The following ELMO1 variants were observed in gnomAD, a reference collection of about 807,000 sequenced individuals.
ELMO1 encodes engulfment and cell motility protein 1.
ELMO1 carries 26 observed loss-of-function variants against 98.9 expected under a neutral mutation model. The observed-to-expected ratio is 0.26, with a 90% confidence interval of 0.19 to 0.36. ELMO1 has a LOEUF of 0.36. Among genes scored for constraint, ELMO1 ranks in the 10% least tolerant of loss-of-function variants. ELMO1 has a pLI of 1.00. For missense variants in ELMO1, 627 were observed against 935.2 expected (o/e 0.67, Z 4.30); for synonymous variants, 346 against 346.0 (o/e 1.00, Z 0.00).
At chr7:37,063,044 T>TCCTCCCGGTA (rs1403141503) in intron 15 of ELMO1, among the ~76,000 whole-genome samples, 2 of 152,114 alleles carry the variant, frequency 1.3e-5, no homozygotes, top group Non-Finnish European at 2.9e-5. Flanking sequence ...ATTTATTTAA[T>TCCTCCCGGTA]CCTCCCGGTA....
chr7:36,969,570 G>A (rs1009009165), intron 16 of ELMO1, among the ~76,000 whole-genome samples: 5 of 152,144 alleles, frequency 3.3e-5, no homozygotes, highest in Non-Finnish European at 5.9e-5. Flanking sequence ...TTAAGTTGGT[G>A]CACATCAGAA....
At chr7:36,992,304 C>A (rs1184673266) in intron 16 of ELMO1, among the ~76,000 whole-genome samples, 1 of 152,198 alleles carries the variant, frequency 6.6e-6, no homozygotes, top group Non-Finnish European at 1.5e-5. Context: ...TGGGGCATCA[C>A]AGACCTAATA....
chr7:37,090,512 T>C (rs1784026197), intron 15 of ELMO1, among the ~76,000 whole-genome samples: 1 of 152,212 alleles, frequency 6.6e-6, no homozygotes, highest in African/African-American at 2.4e-5. Flanking sequence ...TGCCCTTTGC[T>C]TCCTCCCTCA....
At chr7:36,897,161 C>A (rs1438512991) in intron 16 of ELMO1, among the ~76,000 whole-genome samples, 2 of 152,178 alleles carry the variant, frequency 1.3e-5, no homozygotes, top group Non-Finnish European at 2.9e-5. Flanking sequence ...GTGACCTGAA[C>A]TGACCAATCA....
intron 13 of ELMO1, among the ~76,000 whole-genome samples, chr7:37,168,836 C>T (rs1316485387): frequency 1.3e-5 from 2 of 152,208 alleles, no homozygotes; most frequent in Non-Finnish European, 2.9e-5. Context: ...AGATCTCCAG[C>T]TGCGTGCTGG....
intron 13 of ELMO1, among the ~76,000 whole-genome samples, chr7:37,166,167 G>A (rs1020564485): frequency 1.1e-4 from 17 of 152,168 alleles, no homozygotes; most frequent in Non-Finnish European, 2.4e-4. Flanking sequence ...TTGTATTTCT[G>A]TGGGATTGGT....
At chr7:37,113,265 T>C (rs1388918591) in intron 14 of ELMO1, among the ~76,000 whole-genome samples, 1 of 152,244 alleles carries the variant, frequency 6.6e-6, no homozygotes, top group Non-Finnish European at 1.5e-5. Flanking sequence ...AACAAATATG[T>C]GCTGACTGTC....
At chr7:36,919,932 C>A (rs1000017004) in intron 16 of ELMO1, among the ~76,000 whole-genome samples, 2 of 152,274 alleles carry the variant, frequency 1.3e-5, no homozygotes, top group African/African-American at 4.8e-5. Flanking sequence ...TAATGTGTCA[C>A]GACTGGGAAC....
chr7:37,208,987 AC>A (rs1227370088), intron 13 of ELMO1, among the ~76,000 whole-genome samples: 1 of 151,970 alleles, frequency 6.6e-6, no homozygotes, highest in Non-Finnish European at 1.5e-5. Flanking sequence ...AGGCCTTAAA[AC>A]CACCTCCAAT....
At chr7:36,945,508 T>C (rs1031244836) in intron 16 of ELMO1, among the ~76,000 whole-genome samples, 83 of 152,310 alleles carry the variant, frequency 5.4e-4, no homozygotes, top group African/African-American at 1.9e-3. Context: ...AGAACGATCA[T>C]TTAGAATGTC....
chr7:37,079,378 G>C (rs1797743679), intron 15 of ELMO1, among the ~76,000 whole-genome samples: 1 of 152,218 alleles, frequency 6.6e-6, no homozygotes, highest in South Asian at 2.1e-4. Flanking sequence ...AGACACTCTT[G>C]AAAAAGTATA....
rs74781423 is a variant in ELMO1, at chr7:37,262,890, T to G, written c.244-3540A>C. On this transcript the variant is annotated intron_variant, in intron 5 of 21. Coordinates refer to ENST00000310758, the MANE Select transcript of ELMO1 (RefSeq NM_014800.11). ...CAGTAGGTACACCAAGGAACTGTGATGAGATCATGTTTAAGGTTCCCTTCC... is the reference window on the plus strand; with the variant it reads ...CAGTAGGTACACCAAGGAACTGTGAGGAGATCATGTTTAAGGTTCCCTTCC... Among the ~76,000 whole-genome samples the G allele has an allele frequency of 9.1e-3, 1,388 of 152,096 alleles. 24 individuals carry two copies. Among genetic ancestry groups the G allele is most frequent in the African/African-American group, 0.032 (1,331 of 41,534 alleles).
intron 1 of ELMO1, among the ~76,000 whole-genome samples, chr7:37,358,920 A>G (rs1242209181): frequency 6.6e-6 from 1 of 152,226 alleles, no homozygotes; most frequent in Non-Finnish European, 1.5e-5. Flanking sequence ...GTGGTCGTGG[A>G]GACAGAAAAG....
chr7:36,889,910 G>A (rs780358242), intron 17 of ELMO1, among the ~76,000 whole-genome samples: 8 of 152,050 alleles, frequency 5.3e-5, no homozygotes, highest in Admixed American at 2.6e-4. Flanking sequence ...TGCACTACCC[G>A]GCTCATGGCA....
intron 15 of ELMO1, among the ~76,000 whole-genome samples, chr7:37,066,307 T>G (rs1388898001): frequency 2.0e-5 from 3 of 152,140 alleles, no homozygotes; most frequent in Non-Finnish European, 4.4e-5. Context: ...TGCAAGCACT[T>G]ATGCCTGGGT....
intron 15 of ELMO1, among the ~76,000 whole-genome samples, chr7:37,074,744 G>A (rs540225151): frequency 2.6e-5 from 4 of 152,306 alleles, no homozygotes; most frequent in South Asian, 2.1e-4. Context: ...GGGAGAGAAC[G>A]TACCAAAGAG....
At chr7:37,407,866 A>T (rs1227076542) in intron 1 of ELMO1, among the ~76,000 whole-genome samples, 1 of 152,228 alleles carries the variant, frequency 6.6e-6, no homozygotes, top group East Asian at 1.9e-4. Context: ...TGCTTGTAAC[A>T]AATGTTAATA....
chr7:37,331,531 A>AGT (rs1800122936), intron 2 of ELMO1, among the ~76,000 whole-genome samples: 1 of 151,492 alleles, frequency 6.6e-6, no homozygotes, highest in Non-Finnish European at 1.5e-5. Context: ...TTTCTCACAT[A>AGT]CACCTGTTCA....
At chr7:37,222,794 C>A (rs1394344104) in intron 9 of ELMO1, 101 bp from the exon 10 acceptor site, 24 of 1,017,432 alleles carry the variant, frequency 2.4e-5, no homozygotes, top group South Asian at 6.0e-5. Context: ...CCCCTCCCCC[C>A]AAAAAAAGTG....
Sources: allele counts gnomAD v4.1 joint callset (sites outside exome capture counted in the v4.1 genomes callset), GRCh38; gene constraint gnomAD v4.1.1; transcripts MANE v1.5; gene names NCBI Gene and HGNC (gene_info 2026-07-23, HGNC 2026-07-21).